The following PLXDC2 variants were observed in gnomAD, a reference collection of about 807,000 sequenced individuals.
PLXDC2 encodes plexin domain-containing protein 2.
PLXDC2 carries 40 observed loss-of-function variants against 68.9 expected under a neutral mutation model. The observed-to-expected ratio is 0.58, with a 90% CI of 0.45 to 0.76. The LOEUF is 0.76. Among genes scored for constraint, PLXDC2 ranks in the 30% least tolerant of loss-of-function variants. The pLI, the probability that PLXDC2 is intolerant of heterozygous loss-of-function variation, is 0.00. For synonymous variants in PLXDC2, 243 were observed against 234.2 expected (o/e 1.04, Z -0.34); for missense variants, 644 against 661.9 (o/e 0.97, Z 0.30).
At chr10:20,079,613 G>T (rs1836514572) in intron 4 of PLXDC2, among the ~76,000 whole-genome samples, 1 of 152,146 alleles carries the variant, frequency 6.6e-6, no homozygotes. Context: ...ATAAAAAAGA[G>T]TGAGTTCATG....
intron 1 of PLXDC2, among the ~76,000 whole-genome samples, chr10:19,919,713 G>A (rs1005007189): frequency 6.6e-6 from 1 of 152,104 alleles, no homozygotes; most frequent in East Asian, 1.9e-4. Context: ...GGTTTATTTT[G>A]CCTTTCTCTT....
At chr10:20,124,601 C>T (rs904564791) in intron 4 of PLXDC2, among the ~76,000 whole-genome samples, 2 of 151,968 alleles carry the variant, frequency 1.3e-5, no homozygotes, top group Non-Finnish European at 2.9e-5. Context: ...TTTATTTCAC[C>T]TGGGTGCAGG....
intron 2 of PLXDC2, among the ~76,000 whole-genome samples, chr10:20,018,054 C>T (rs997336867): frequency 2.5e-4 from 38 of 152,174 alleles, no homozygotes; most frequent in African/African-American, 8.4e-4. Context: ...CAGAGACATC[C>T]GAACGCTTAC....
At chr10:20,250,554 GT>G (rs1835662710) in intron 13 of PLXDC2, among the ~76,000 whole-genome samples, 1 of 152,180 alleles carries the variant, frequency 6.6e-6, no homozygotes, top group African/African-American at 2.4e-5. Context: ...CCTTAAGTAA[GT>G]TCTCAACATC....
At position 19,817,063 on chromosome 10, in the gene PLXDC2, G is replaced by A; in HGVS notation, c.-17G>A. ...GCGAAGGACTGGCGGGTGGGGTAGG[G>A]AGGTGGCGGCGGCGGCATGGCGAGG... On this transcript the variant is annotated 5_prime_UTR_variant, in exon 1 of 14. Coordinates refer to ENST00000377252, the MANE Select transcript of PLXDC2 (RefSeq NM_032812.9). 2 of 1,504,070 alleles carry A rather than the reference G, an allele frequency of 1.3e-6. No homozygotes were observed. The highest frequency in any genetic ancestry group is 2.5e-5 in the East Asian group (1 of 40,574). 93.2% of individuals were successfully genotyped at this position (1,504,070 alleles called of 1,614,324 possible). A position where few individuals can be genotyped will look rare whatever the true frequency, so the allele number is the denominator to read the frequency against.
chr10:20,109,861 G>A (rs1485680004), intron 4 of PLXDC2, among the ~76,000 whole-genome samples: 2 of 152,062 alleles, frequency 1.3e-5, no homozygotes, highest in Admixed American at 6.5e-5. Context: ...AACAACATCT[G>A]GCATCAAGTC....
chr10:19,856,050 G>C (rs189202598), intron 1 of PLXDC2, among the ~76,000 whole-genome samples: 5 of 152,248 alleles, frequency 3.3e-5, no homozygotes, highest in South Asian at 2.1e-4. Context: ...AGCCAAGATC[G>C]TGCCACTGCA....
chr10:19,999,777 A>G (rs566671009), intron 1 of PLXDC2, among the ~76,000 whole-genome samples: 3 of 152,344 alleles, frequency 2.0e-5, no homozygotes, highest in African/African-American at 7.2e-5. Context: ...GAAGCAGGAT[A>G]TATAAATAAA....
At chr10:20,127,087 A>G (rs1020336065) in intron 4 of PLXDC2, among the ~76,000 whole-genome samples, 1 of 151,730 alleles carries the variant, frequency 6.6e-6, no homozygotes, top group Non-Finnish European at 1.5e-5. Context: ...ATTTGGGTGG[A>G]AAAAAAAGAA....
intron 1 of PLXDC2, among the ~76,000 whole-genome samples, chr10:19,866,030 A>AGT (rs1349324119): frequency 7.2e-5 from 11 of 152,252 alleles, no homozygotes; most frequent in Non-Finnish European, 1.3e-4. Context: ...TGAAAAAAAT[A>AGT]AATTACTGGA....
chr10:20,231,203 C>T (rs1470950934), intron 12 of PLXDC2, among the ~76,000 whole-genome samples: 1 of 150,202 alleles, frequency 6.7e-6, no homozygotes, highest in Non-Finnish European at 1.5e-5. Context: ...CTACAAAATC[C>T]TCAAATATGT....
At chr10:19,965,957 G>A (rs1352506736) in intron 1 of PLXDC2, among the ~76,000 whole-genome samples, 1 of 151,916 alleles carries the variant, frequency 6.6e-6, no homozygotes, top group Non-Finnish European at 1.5e-5. Context: ...CTTCTTTTAG[G>A]TATCAGTAAA....
At chr10:20,223,675 A>G (rs1329884945) in intron 12 of PLXDC2, among the ~76,000 whole-genome samples, 2 of 152,108 alleles carry the variant, frequency 1.3e-5, no homozygotes, top group Non-Finnish European at 2.9e-5. Flanking sequence ...ACTTTTACCT[A>G]CTATAGTTCA....
chr10:20,114,401 T>C (rs1177944211), intron 4 of PLXDC2, among the ~76,000 whole-genome samples: 1 of 152,192 alleles, frequency 6.6e-6, no homozygotes, highest in Non-Finnish European at 1.5e-5. Context: ...GTAAATCCAG[T>C]GAGTACACGG....
intron 4 of PLXDC2, among the ~76,000 whole-genome samples, chr10:20,076,430 T>C (rs1451810402): frequency 6.6e-6 from 1 of 152,178 alleles, no homozygotes; most frequent in African/African-American, 2.4e-5. Flanking sequence ...GCCTATAAAA[T>C]AGCACAATAA....
At chr10:20,063,535 G>A (rs1271510515) in intron 3 of PLXDC2, among the ~76,000 whole-genome samples, 1 of 152,004 alleles carries the variant, frequency 6.6e-6, no homozygotes, top group African/African-American at 2.4e-5. Context: ...TGAGAAATAG[G>A]CAAACAAGTC....
intron 3 of PLXDC2, among the ~76,000 whole-genome samples, chr10:20,064,911 T>G (rs199688181): frequency 0.028 from 1 of 36 alleles, no homozygotes; most frequent in Non-Finnish European, 0.083. Context: ...GTTTGTTTGG[T>G]TTTTTTTTCT....
intron 8 of PLXDC2, 87 bp from the exon 9 acceptor site, chr10:20,177,241 G>A (rs1834539725): frequency 3.7e-6 from 5 of 1,335,728 alleles, no homozygotes; most frequent in Admixed American, 3.4e-5. Context: ...GGATTAGGGG[G>A]CAGTGATTTT....
rs551400986 is a variant in PLXDC2 at position 20,159,644 on chromosome 10, G to C, written c.784-4824G>C. Among the ~76,000 whole-genome samples, 12 of 152,222 alleles carry C rather than the reference G, an allele frequency of 7.9e-5. No homozygotes were observed. In the South Asian group the frequency reaches 1.0e-3, roughly 13 times the overall value. ...TCTGTATCTTTTGGACTAAAATCCAGTGTCACTGTCATGGCTTGCAAGGAA... is the reference window on the plus strand; with the variant it reads ...TCTGTATCTTTTGGACTAAAATCCACTGTCACTGTCATGGCTTGCAAGGAA... On this transcript the variant is annotated intron_variant, in intron 6 of 13. Transcript: ENST00000377252.
Sources: allele counts gnomAD v4.1 joint callset (sites outside exome capture counted in the v4.1 genomes callset), GRCh38; gene constraint gnomAD v4.1.1; transcripts MANE v1.5; gene names NCBI Gene and HGNC (gene_info 2026-07-23, HGNC 2026-07-21).